GDAP2: variants seen among roughly 807,000 people sequenced by gnomAD.
The protein encoded by GDAP2 is ganglioside induced differentiation associated protein 2, also known as ganglioside-induced differentiation-associated protein 2.
Under a neutral mutation model 67.0 loss-of-function variants are expected in GDAP2, and 51 were observed. The observed-to-expected ratio is 0.76, with a 90% CI of 0.61 to 0.96. The LOEUF (loss-of-function observed/expected upper bound fraction) is 0.96, where lower values mean the gene tolerates loss of function less well. Among genes scored for constraint, GDAP2 ranks in the 40% least tolerant of loss-of-function variants. GDAP2 has a pLI of 0.00. For synonymous variants in GDAP2, 203 were observed against 207.3 expected, an observed-to-expected ratio of 0.98 and a Z score of 0.18; for missense variants, 547 against 588.3, an observed-to-expected ratio of 0.93 and a Z score of 0.73.
intron 2 of GDAP2, among the ~76,000 whole-genome samples, chr1:117,919,844 C>A (rs554615588): frequency 3.8e-4 from 57 of 151,848 alleles, no homozygotes; most frequent in African/African-American, 1.3e-3. Flanking sequence ...TGCCAACTAA[C>A]CTATAGTGAC....
chr1:117,881,355 T>C (rs970114259), intron 12 of GDAP2, among the ~76,000 whole-genome samples: 3 of 152,268 alleles, frequency 2.0e-5, no homozygotes, highest in East Asian at 1.9e-4. Flanking sequence ...TGCTGGCTCA[T>C]GTATAAGGAA....
At chr1:117,870,684 A>G in intron 13 of GDAP2, 68 bp from the exon 14 acceptor site, 2 of 1,027,180 alleles carry the variant, frequency 1.9e-6, no homozygotes, top group Non-Finnish European at 3.1e-6. Flanking sequence ...TGTGAAAAAA[A>G]GGGATTTACA....
At chr1:117,894,119 A>G (rs1649183111) in intron 8 of GDAP2, among the ~76,000 whole-genome samples, 2 of 152,016 alleles carry the variant, frequency 1.3e-5, no homozygotes, top group Admixed American at 6.6e-5. Context: ...TGTGAATGAA[A>G]AAGAAAAATA....
intron 12 of GDAP2, among the ~76,000 whole-genome samples, chr1:117,879,442 C>T (rs990974153): frequency 7.2e-5 from 11 of 151,902 alleles, no homozygotes; most frequent in African/African-American, 2.7e-4. Context: ...ACCAGTAGTT[C>T]AATACCAAGG....
Position 117,863,725 on chromosome 1 carries a change from A to C in GDAP2, c.*6844T>G, listed in dbSNP as rs1478010955. On this transcript the variant is annotated 3_prime_UTR_variant, in exon 14 of 14. Transcript: ENST00000369443. ...TATTTAAATTATGTTTTATAAAAGCATGCGCTTTGGAGTCAGATCTGGATT... is the reference window on the plus strand; with the variant it reads ...TATTTAAATTATGTTTTATAAAAGCCTGCGCTTTGGAGTCAGATCTGGATT... The C allele has an allele frequency of 2.0e-5, 3 of 152,230 alleles. No homozygotes were observed. In the East Asian group the frequency reaches 5.8e-4, roughly 29 times the overall value. The allele number at this position is 152,230 out of a possible 1,614,324, so 9.4% of individuals were successfully genotyped here.
chr1:117,881,184 G>C (rs1220798460), intron 12 of GDAP2, among the ~76,000 whole-genome samples: 1 of 152,138 alleles, frequency 6.6e-6, no homozygotes, highest in African/African-American at 2.4e-5. Flanking sequence ...GTGATGAAAT[G>C]TCAGTTTTTA....
Position 117,870,128 on chromosome 1 carries a change from C to A in GDAP2, c.*441G>T. On this transcript the variant is annotated 3_prime_UTR_variant, in exon 14 of 14. Coordinates refer to ENST00000369443, the MANE Select transcript of GDAP2 (RefSeq NM_017686.4). ...TATAAAATATACATGGTATTAACAC[C>A]ATGGATCTGAAGCAAACAATGCATC... is the stretch of plus-strand genomic sequence containing the variant. 6.1e-6 allele frequency: 1 copy of A among 163,210 alleles called. No individual in the cohort carries two copies. Among genetic ancestry groups the A allele is most frequent in the Non-Finnish European group, 1.3e-5 (1 of 75,514 alleles). The allele number at this position is 163,210 out of a possible 1,614,324, so 10.1% of individuals were successfully genotyped here.
rs1370506544 is a variant in GDAP2 at position 117,865,261 on chromosome 1, T to C, written c.*5308A>G. ...TAAATGGTCAAAAAATAATGTCCCA[T>C]CCTGGGGTTCAATATAAACACTATT... On this transcript the variant is annotated 3_prime_UTR_variant, in exon 14 of 14. Coordinates refer to ENST00000369443, the MANE Select transcript of GDAP2 (RefSeq NM_017686.4). The C allele has an allele frequency of 2.0e-5, 3 of 152,190 alleles. No homozygotes were observed. Among genetic ancestry groups the C allele is most frequent in the Non-Finnish European group, 2.9e-5 (2 of 68,036 alleles). 9.4% of individuals were successfully genotyped at this position (152,190 alleles called of 1,614,324 possible).
Position 117,918,716 on chromosome 1 carries a change from A to G in GDAP2, c.197T>C (p.Leu66Pro). The change falls in exon 3 of 14, where the codon CTG becomes CCG. Residue 66 changes from leucine to proline, a missense_variant. Leu to Pro is a moderately conservative substitution (Grantham distance 98). Transcript: ENST00000369443. ...GGTATTCACAATGGCTGTACAGTTC[A>G]GTAATGCCACATCTCCTTTCCTGAA... ...VVLWKGDVAL[L>P]NCTAIVNTSN... 3.1e-6 allele frequency: 5 copies of G among 1,601,536 alleles called. No homozygotes were observed. Among genetic ancestry groups the G allele is most frequent in the Non-Finnish European group, 3.4e-6 (4 of 1,169,138 alleles).
chr1:117,929,543 C>G lies in GDAP2; in HGVS notation c.-163G>C, dbSNP rs1273458218. On this transcript the variant is annotated 5_prime_UTR_variant, in exon 1 of 14. Coordinates refer to ENST00000369443, the MANE Select transcript of GDAP2 (RefSeq NM_017686.4). The stretch of plus-strand genomic sequence containing the variant: ...CATCTCCGGCGACCCTCAGCAGGAG[C>G]GCGCCGAGTACGGCGAGTCAAAGTC... The G allele has an allele frequency of 6.6e-6, 1 of 152,570 alleles. No homozygotes were observed. Among genetic ancestry groups the G allele is most frequent in the African/African-American group, 2.4e-5 (1 of 41,478 alleles). 9.5% of individuals were successfully genotyped at this position (152,570 alleles called of 1,614,324 possible).
At chr1:117,909,938 T>C (rs1219078358) in intron 5 of GDAP2, among the ~76,000 whole-genome samples, 2 of 152,130 alleles carry the variant, frequency 1.3e-5, no homozygotes, top group African/African-American at 4.8e-5. Flanking sequence ...AGAATCCTTA[T>C]GATTACCTTA....
chr1:117,901,371 T>C (rs534105857), intron 6 of GDAP2, among the ~76,000 whole-genome samples: 1 of 152,366 alleles, frequency 6.6e-6, no homozygotes, highest in South Asian at 2.1e-4. Context: ...AATTCTCTTC[T>C]GTATACACCT....
chr1:117,913,658 T>C (rs1283966545), intron 3 of GDAP2, among the ~76,000 whole-genome samples: 1 of 152,138 alleles, frequency 6.6e-6, no homozygotes, highest in Non-Finnish European at 1.5e-5. Context: ...TACAGATAAC[T>C]GGGGAAGTTC....
chr1:117,904,181 GT>G (rs1423911098), intron 6 of GDAP2, among the ~76,000 whole-genome samples: 3 of 151,852 alleles, frequency 2.0e-5, no homozygotes, highest in Non-Finnish European at 2.9e-5. Flanking sequence ...CAGAGATGGG[GT>G]TTCGCCATGT....
rs1648123585 is a variant in GDAP2, at chr1:117,867,682, A to G, written c.*2887T>C. ...ACACCATTGCACTCCAGCTTGGGTG[A>G]CAGAGTAAGACTGTCTCCAAAAAAA... is the stretch of plus-strand genomic sequence containing the variant. On this transcript the variant is annotated 3_prime_UTR_variant, in exon 14 of 14. Coordinates refer to ENST00000369443, the MANE Select transcript of GDAP2 (RefSeq NM_017686.4). 6.6e-6 allele frequency: 1 copy of G among 152,020 alleles called. No individual in the cohort carries two copies. The highest frequency in any genetic ancestry group is 2.4e-5 in the African/African-American group (1 of 41,404). The allele number at this position is 152,020 out of a possible 1,614,324, so 9.4% of individuals were successfully genotyped here.
At chr1:117,885,504 G>C (rs1246741246) in intron 10 of GDAP2, among the ~76,000 whole-genome samples, 1 of 152,076 alleles carries the variant, frequency 6.6e-6, no homozygotes, top group Non-Finnish European at 1.5e-5. Flanking sequence ...TACAGTACTT[G>C]CCTCTGTAAC....
rs138032445 is a variant in GDAP2 at position 117,920,313 on chromosome 1, T to A, written c.45A>T (p.Thr15=). The A allele has an allele frequency of 1.3e-4, 202 of 1,609,896 alleles. No individual in the cohort carries two copies. Among genetic ancestry groups the A allele is most frequent in the Non-Finnish European group, 1.7e-4 (196 of 1,177,470 alleles). ...GAPSQFVDVD[T]LPSWGDSCQD... Reference sequence around the variant, plus strand: ...GGCATGAGTCACCCCAGCTTGGTAGTGTATCCACATCCACAAACTGGGAAG... The same window carrying A: ...GGCATGAGTCACCCCAGCTTGGTAGAGTATCCACATCCACAAACTGGGAAG... Residue 15 remains threonine, a synonymous_variant, in exon 2 of 14, where the codon ACA becomes ACT. Coordinates refer to ENST00000369443, the MANE Select transcript of GDAP2 (RefSeq NM_017686.4).
chr1:117,908,887 C>G (rs997326603), intron 5 of GDAP2, among the ~76,000 whole-genome samples: 2 of 151,780 alleles, frequency 1.3e-5, no homozygotes, highest in African/African-American at 4.8e-5. Flanking sequence ...TTATTTGACA[C>G]CAAGTTGTAA....
rs780805668 is a variant in GDAP2, at chr1:117,912,042, A to T, written c.511T>A (p.Ser171Thr). The change falls in exon 5 of 14, where the codon TCT becomes ACT. Residue 171 changes from serine to threonine, a missense_variant. Coordinates refer to ENST00000369443, the MANE Select transcript of GDAP2 (RefSeq NM_017686.4). ...MSSVGFCVIN[S>T]AKRGYPLEDA... ...TCTAAAGGATAACCACGTTTTGCAG[A>T]ATTGATGACACAGAAGCCAACAGAA... 46 of 1,611,126 alleles carry T rather than the reference A, an allele frequency of 2.9e-5. No homozygotes were observed. The highest frequency in any genetic ancestry group is 3.8e-5 in the Non-Finnish European group (45 of 1,177,496).
Sources: allele counts gnomAD v4.1 joint callset (sites outside exome capture counted in the v4.1 genomes callset), GRCh38; gene constraint gnomAD v4.1.1; transcripts MANE v1.5; gene names NCBI Gene and HGNC (gene_info 2026-07-23, HGNC 2026-07-21).